The following ST8SIA1 variants were observed in gnomAD, a reference collection of about 807,000 sequenced individuals.
ST8SIA1 encodes the protein ST8 alpha-N-acetyl-neuraminide alpha-2,8-sialyltransferase 1.
A neutral mutation model predicts 35.9 loss-of-function variants in ST8SIA1; 16 were observed. The ratio of observed to expected loss-of-function variants is 0.45; its 90% CI spans 0.30 to 0.68. The LOEUF (loss-of-function observed/expected upper bound fraction) is 0.68, where lower values mean the gene tolerates loss of function less well. Among genes scored for constraint, ST8SIA1 ranks in the 30% least tolerant of loss-of-function variants. The probability of loss-of-function intolerance (pLI) is 0.09; values close to 1 mark genes in which losing one functional copy is unlikely to be tolerated. For synonymous variants in ST8SIA1, 170 were observed against 169.6 expected (o/e 1.00, Z -0.02); for missense variants, 383 against 453.6 (o/e 0.84, Z 1.41).
In ST8SIA1 at chr12:22,198,417, A is replaced by T. The variant is rs1317144952; in HGVS notation, c.*3135T>A. On this transcript the variant is annotated 3_prime_UTR_variant, in exon 5 of 5. Transcript: ENST00000396037. ...AGATAATGGGAGCTTAGAATTGAAG[A>T]TCTTAATAATAGAGTATTCCAGAGC... The T allele has an allele frequency of 6.6e-6, 1 of 152,024 alleles. No homozygotes were observed. Among genetic ancestry groups the T allele is most frequent in the Non-Finnish European group, 1.5e-5 (1 of 67,992 alleles). 9.4% of individuals were successfully genotyped at this position (152,024 alleles called of 1,614,324 possible). A position where few individuals can be genotyped will look rare whatever the true frequency, so the allele number is the denominator to read the frequency against.
chr12:22,310,282 G>T (rs1866433595), intron 1 of ST8SIA1, among the ~76,000 whole-genome samples: 1 of 152,138 alleles, frequency 6.6e-6, no homozygotes, highest in South Asian at 2.1e-4. Flanking sequence ...ACTAGGAGAA[G>T]GAAGGCAAGA....
At chr12:22,223,653 T>TTCTGAC in intron 4 of ST8SIA1, 1 of 1,164,318 alleles carries the variant, frequency 8.6e-7, no homozygotes, top group South Asian at 1.7e-5. Context: ...GGGATTCTGA[T>TTCTGAC]TCTGACTGAT....
At chr12:22,327,609 G>T (rs112431815) in intron 1 of ST8SIA1, among the ~76,000 whole-genome samples, 1 of 152,164 alleles carries the variant, frequency 6.6e-6, no homozygotes, top group Non-Finnish European at 1.5e-5. Flanking sequence ...GAAAAAGAAG[G>T]ATGTGGCCCC....
chr12:22,200,277 T>A lies in ST8SIA1; in HGVS notation c.*1275A>T, dbSNP rs1865035641. 6.6e-6 allele frequency: 1 copy of A among 152,178 alleles called. No individual in the cohort carries two copies. Among genetic ancestry groups the A allele is most frequent in the Admixed American group, 6.5e-5 (1 of 15,276 alleles). 9.4% of individuals were successfully genotyped at this position (152,178 alleles called of 1,614,324 possible). On this transcript the variant is annotated 3_prime_UTR_variant, in exon 5 of 5. Transcript: ENST00000396037. The stretch of plus-strand genomic sequence containing the variant: ...AACCAGTGAGCTCGGTTGTCTTATA[T>A]CAACATGTAATGGATAGTGCATAAC...
At chr12:22,280,570 C>T (rs866004842) in intron 2 of ST8SIA1, among the ~76,000 whole-genome samples, 3 of 152,176 alleles carry the variant, frequency 2.0e-5, no homozygotes, top group African/African-American at 7.2e-5. Context: ...AGATCTACAC[C>T]ATGGCAAGAT....
At chr12:22,300,882 C>T (rs1168140109) in intron 1 of ST8SIA1, among the ~76,000 whole-genome samples, 2 of 151,946 alleles carry the variant, frequency 1.3e-5, no homozygotes, top group African/African-American at 2.4e-5. Flanking sequence ...ACATATTTGA[C>T]GTATTTGGTA....
intron 2 of ST8SIA1, among the ~76,000 whole-genome samples, chr12:22,265,344 A>G (rs965016376): frequency 1.3e-5 from 2 of 152,258 alleles, no homozygotes; most frequent in African/African-American, 4.8e-5. Context: ...GCTTCATGCC[A>G]TTGCTAGACG....
At chr12:22,333,970 G>C (rs1866807077) in intron 1 of ST8SIA1, 27 bp downstream of exon 1, 1 of 1,602,960 alleles carries the variant, frequency 6.2e-7, no homozygotes, top group South Asian at 1.1e-5. Context: ...GGACGCTAGA[G>C]GGGAGGAGCC....
chr12:22,282,928 A>T (rs961546204), intron 2 of ST8SIA1, among the ~76,000 whole-genome samples: 1 of 152,222 alleles, frequency 6.6e-6, no homozygotes, highest in Non-Finnish European at 1.5e-5. Flanking sequence ...AGAAAAAAAA[A>T]TTGCTGTGAA....
chr12:22,290,019 C>G (rs1327831512), intron 1 of ST8SIA1, among the ~76,000 whole-genome samples: 1 of 152,196 alleles, frequency 6.6e-6, no homozygotes, highest in Non-Finnish European at 1.5e-5. Context: ...TCTCCTCCTA[C>G]AGCATCACCA....
chr12:22,291,211 C>A (rs1327623245), intron 1 of ST8SIA1, among the ~76,000 whole-genome samples: 2 of 152,124 alleles, frequency 1.3e-5, no homozygotes, highest in Non-Finnish European at 2.9e-5. Context: ...ACTTAACAGG[C>A]AAAGAAGGAT....
intron 4 of ST8SIA1, among the ~76,000 whole-genome samples, chr12:22,239,911 A>G (rs1865520896): frequency 6.6e-6 from 1 of 152,056 alleles, no homozygotes; most frequent in Non-Finnish European, 1.5e-5. Flanking sequence ...AAGTTTTGGT[A>G]CCTGACTTTT....
intron 1 of ST8SIA1, among the ~76,000 whole-genome samples, chr12:22,312,045 C>T (rs1866455803): frequency 6.6e-6 from 1 of 152,102 alleles, no homozygotes; most frequent in Non-Finnish European, 1.5e-5. Context: ...TTTGTGGGTA[C>T]ATAAACCACA....
chr12:22,255,179 G>T, intron 3 of ST8SIA1, 101 bp downstream of exon 3: 2 of 916,380 alleles, frequency 2.2e-6, no homozygotes, highest in South Asian at 1.4e-5. Flanking sequence ...TGCTACAACT[G>T]ATTCATCACA....
In ST8SIA1 at chr12:22,194,638, T is replaced by C; in HGVS notation, c.*6914A>G. The C allele has an allele frequency of 6.6e-6, 1 of 152,188 alleles. No individual in the cohort carries two copies. The highest frequency in any genetic ancestry group is 1.9e-4 in the East Asian group (1 of 5,190). 9.4% of individuals were successfully genotyped at this position (152,188 alleles called of 1,614,324 possible). On this transcript the variant is annotated 3_prime_UTR_variant, in exon 5 of 5. Transcript: ENST00000396037. ...AGGGCTTATGTGTGTTTGTGTTGTG[T>C]ACACTAGAATACAGGGTAGAAAATG...
At chr12:22,309,848 G>A (rs572725988) in intron 1 of ST8SIA1, among the ~76,000 whole-genome samples, 13 of 152,240 alleles carry the variant, frequency 8.5e-5, no homozygotes, top group South Asian at 2.1e-4. Context: ...AATATATTTC[G>A]TTCTTACTAT....
chr12:22,209,822 G>A (rs893252261), intron 4 of ST8SIA1, among the ~76,000 whole-genome samples: 8 of 151,758 alleles, frequency 5.3e-5, no homozygotes. Flanking sequence ...CATCTTTACT[G>A]TCTCTGTTGT....
At chr12:22,326,686 C>A (rs1208208580) in intron 1 of ST8SIA1, among the ~76,000 whole-genome samples, 1 of 152,174 alleles carries the variant, frequency 6.6e-6, no homozygotes, top group East Asian at 1.9e-4. Context: ...ATGGAGTCTA[C>A]ATTCTTTATC....
intron 1 of ST8SIA1, among the ~76,000 whole-genome samples, chr12:22,288,365 A>C (rs988271365): frequency 5.9e-5 from 9 of 152,332 alleles, no homozygotes; most frequent in Non-Finnish European, 1.2e-4. Context: ...GGCAAAGAGA[A>C]GGGGCTGCAG....
Sources: gnomAD v4.1 joint callset for allele counts (sites outside exome capture counted in the v4.1 genomes callset) on GRCh38, gnomAD v4.1.1 for gene constraint, MANE v1.5 for transcripts, NCBI Gene and HGNC (gene_info 2026-07-23, HGNC 2026-07-21) for gene names.